XYLB: variants seen among roughly 807,000 people sequenced by gnomAD.
The protein encoded by XYLB is xylulokinase.
A neutral mutation model predicts 78.7 loss-of-function variants in XYLB; 62 were observed. The observed-to-expected ratio is 0.79, with a 90% confidence interval of 0.64 to 0.97. XYLB has a LOEUF of 0.97. XYLB is among the 50% of genes least tolerant of loss of function. The probability of loss-of-function intolerance (pLI) is 0.00; values close to 1 mark genes in which losing one functional copy is unlikely to be tolerated. For missense variants in XYLB, 687 were observed against 676.8 expected, an observed-to-expected ratio of 1.02 and a Z score of -0.17; for synonymous variants, 245 against 247.4, an observed-to-expected ratio of 0.99 and a Z score of 0.09.
chr3:38,353,169 A>G (rs1357349904), intron 2 of XYLB, among the ~76,000 whole-genome samples: 1 of 151,826 alleles, frequency 6.6e-6, no homozygotes, highest in East Asian at 1.9e-4. Flanking sequence ...CTATGTTTTT[A>G]TCTAGTTCTT....
At chr3:38,390,239 T>C (rs1224082627) in intron 15 of XYLB, among the ~76,000 whole-genome samples, 1 of 152,152 alleles carries the variant, frequency 6.6e-6, no homozygotes, top group Non-Finnish European at 1.5e-5. Context: ...AAATGGAGTT[T>C]CACTTGCTCT....
At chr3:38,389,496 G>A (rs1290331924) in intron 15 of XYLB, among the ~76,000 whole-genome samples, 1 of 152,148 alleles carries the variant, frequency 6.6e-6, no homozygotes, top group African/African-American at 2.4e-5. Context: ...GGGCAGAGGG[G>A]CTCCTCACTT....
chr3:38,390,919 G>A (rs1217904420), intron 15 of XYLB, among the ~76,000 whole-genome samples: 1 of 152,076 alleles, frequency 6.6e-6, no homozygotes, highest in East Asian at 1.9e-4. Flanking sequence ...TCAGCACTCG[G>A]GTTAAGAAAT....
intron 18 of XYLB, among the ~76,000 whole-genome samples, chr3:38,411,342 G>T (rs1361248102): frequency 6.6e-6 from 1 of 151,918 alleles, no homozygotes; most frequent in East Asian, 1.9e-4. Context: ...AGAACACATG[G>T]ACACAGGAAG....
intron 18 of XYLB, among the ~76,000 whole-genome samples, chr3:38,407,948 C>A (rs1229038615): frequency 1.3e-5 from 2 of 151,976 alleles, no homozygotes; most frequent in African/African-American, 2.4e-5. Flanking sequence ...GACTTTAACA[C>A]CCCACTGTCA....
chr3:38,397,510 G>A (rs146419827), intron 17 of XYLB, among the ~76,000 whole-genome samples: 20 of 152,248 alleles, frequency 1.3e-4, no homozygotes, highest in Non-Finnish European at 2.5e-4. Context: ...GTCCAGAGCC[G>A]TCTTTTCAGC....
chr3:38,427,158 C>A, the XYLB span, among the ~76,000 whole-genome samples: 5 of 152,198 alleles, frequency 3.3e-5, no homozygotes, highest in Non-Finnish European at 5.9e-5. Context: ...TGAAGGCTGT[C>A]AGCCCCCTAA....
At chr3:38,406,131 AC>A (rs1708311971) in intron 18 of XYLB, among the ~76,000 whole-genome samples, 1 of 152,044 alleles carries the variant, frequency 6.6e-6, no homozygotes, top group Admixed American at 6.6e-5. Context: ...CCTGGGAGGC[AC>A]CCCCCAGTAG....
chr3:38,452,621 T>A, the XYLB span: 1 of 152,120 alleles, frequency 6.6e-6, no homozygotes. Flanking sequence ...TATTATTTAG[T>A]AGAGACAGGT....
chr3:38,394,024 C>A (rs1450444268), intron 15 of XYLB, among the ~76,000 whole-genome samples: 1 of 152,074 alleles, frequency 6.6e-6, no homozygotes, highest in Non-Finnish European at 1.5e-5. Context: ...CATTTTTCCA[C>A]AAATATTTTA....
the XYLB span, among the ~76,000 whole-genome samples, chr3:38,449,027 C>T: frequency 2.8e-4 from 43 of 152,266 alleles, 2 homozygotes; most frequent in East Asian, 3.5e-3. Flanking sequence ...ATCCTGTCAC[C>T]TGGTTTTTCA....
chr3:38,365,896 G>T (rs972318775), intron 6 of XYLB, among the ~76,000 whole-genome samples, 160 bp downstream of exon 6: 4 of 152,146 alleles, frequency 2.6e-5, no homozygotes, highest in African/African-American at 9.7e-5. Flanking sequence ...GCCACCTGCT[G>T]CCCTGTGTGT....
rs574533088 is a variant in XYLB at position 38,380,422 on chromosome 3, G to A, written c.1291+1080G>A. Among the ~76,000 whole-genome samples the A allele has an allele frequency of 2.5e-4, 38 of 152,252 alleles. No individual in the cohort carries two copies. In the East Asian group the frequency reaches 7.3e-3, roughly 29 times the overall value. On this transcript the variant is annotated intron_variant, in intron 15 of 18. Transcript: ENST00000207870. The stretch of plus-strand genomic sequence containing the variant: ...GGAGGTTGGACTGGCCGCCTATAGA[G>A]TCCAGGTTTCTAAGATGTATTTGTC...
intron 2 of XYLB, among the ~76,000 whole-genome samples, chr3:38,352,718 A>G (rs976904120): frequency 2.0e-5 from 3 of 152,104 alleles, no homozygotes; most frequent in Non-Finnish European, 2.9e-5. Context: ...CTGAGGTGGG[A>G]GGATCACTTG....
intron 15 of XYLB, among the ~76,000 whole-genome samples, chr3:38,379,808 A>G (rs1707060343): frequency 6.6e-6 from 1 of 152,206 alleles, no homozygotes; most frequent in Non-Finnish European, 1.5e-5. Flanking sequence ...ACCACTGTCA[A>G]AACTCGGAAG....
downstream of XYLB, among the ~76,000 whole-genome samples, chr3:38,417,992 G>C (rs1708853819): frequency 6.6e-6 from 1 of 151,304 alleles, no homozygotes; most frequent in African/African-American, 2.4e-5. Flanking sequence ...AGGAGTTCAA[G>C]ATCAGCCTGG....
intron 13 of XYLB, among the ~76,000 whole-genome samples, chr3:38,376,627 G>C (rs1026796884): frequency 6.6e-6 from 1 of 152,196 alleles, no homozygotes; most frequent in East Asian, 1.9e-4. Context: ...GCCTCCCTTG[G>C]TCAAACCTGT....
chr3:38,409,827 G>A (rs1255378633), intron 18 of XYLB, among the ~76,000 whole-genome samples: 2 of 152,012 alleles, frequency 1.3e-5, no homozygotes, highest in African/African-American at 4.8e-5. Flanking sequence ...AACTTACAAG[G>A]GACATGAAGG....
chr3:38,402,482 G>T (rs1200865139), intron 18 of XYLB, among the ~76,000 whole-genome samples: 1 of 152,204 alleles, frequency 6.6e-6, no homozygotes, highest in African/African-American at 2.4e-5. Context: ...CCAAGCATCT[G>T]TAATTTTTCT....
Sources: gnomAD v4.1 joint callset for allele counts (sites outside exome capture counted in the v4.1 genomes callset) on GRCh38, gnomAD v4.1.1 for gene constraint, MANE v1.5 for transcripts, NCBI Gene and HGNC (gene_info 2026-07-23, HGNC 2026-07-21) for gene names.